SMAP2: variants seen among roughly 807,000 people sequenced by gnomAD.
The protein encoded by SMAP2 is small ArfGAP2.
In SMAP2, 25 loss-of-function variants were observed where a neutral mutation model predicts 56.4. That is an observed-to-expected ratio of 0.44 (90% CI 0.32 to 0.62). SMAP2 has a LOEUF of 0.62. SMAP2 is among the 20% of genes least tolerant of loss of function. The pLI, the probability that SMAP2 is intolerant of heterozygous loss-of-function variation, is 0.04. For missense variants in SMAP2, 388 were observed against 545.6 expected (o/e 0.71, Z 2.88); for synonymous variants, 157 against 181.7 (o/e 0.86, Z 1.09).
At chr1:40,415,183 A>G (rs1644974864) in intron 6 of SMAP2, 89 bp from the exon 7 acceptor site, 3 of 961,994 alleles carry the variant, frequency 3.1e-6, no homozygotes, top group Non-Finnish European at 3.3e-6. Flanking sequence ...CCATGAGCTT[A>G]TGGGCCACCT....
chr1:40,371,584 C>T (rs1243863299), upstream of SMAP2, among the ~76,000 whole-genome samples: 1 of 152,124 alleles, frequency 6.6e-6, no homozygotes, highest in Non-Finnish European at 1.5e-5. Flanking sequence ...TCAATAGTTG[C>T]CATGCCAGAG....
At chr1:40,371,312 A>G (rs1156470284), upstream of SMAP2, among the ~76,000 whole-genome samples, 4 of 152,118 alleles carry the variant, frequency 2.6e-5, no homozygotes, top group Non-Finnish European at 5.9e-5. Flanking sequence ...ACTTGGGAGG[A>G]GCAGTTTGCT....
rs113990202 is a variant in SMAP2 at position 40,349,975 on chromosome 1, C to T, written c.-83+5065C>T. ...ACAGAAGGCAAGAATCATCTCCCACCTTTCCACAGAGTCAAGGTTGGCTAG... is the reference window on the plus strand; with the variant it reads ...ACAGAAGGCAAGAATCATCTCCCACTTTTCCACAGAGTCAAGGTTGGCTAG... On this transcript the variant is annotated intron_variant, in intron 1 of 6. Coordinates refer to the SMAP2 transcript ENST00000435168. Among the ~76,000 whole-genome samples, 13 of 152,248 alleles carry T rather than the reference C, an allele frequency of 8.5e-5. 1 individual carries two copies. Among genetic ancestry groups the T allele is most frequent in the African/African-American group, 3.1e-4 (13 of 41,554 alleles).
intron 1 of SMAP2, among the ~76,000 whole-genome samples, chr1:40,400,002 G>A (rs1002580970): frequency 2.0e-5 from 3 of 152,188 alleles, no homozygotes; most frequent in Admixed American, 6.5e-5. Flanking sequence ...CAAAAGAAAG[G>A]GTAGAAGAGA....
chr1:40,384,796 T>C (rs1644637211), intron 1 of SMAP2, among the ~76,000 whole-genome samples: 1 of 152,222 alleles, frequency 6.6e-6, no homozygotes, highest in Non-Finnish European at 1.5e-5. Flanking sequence ...AAATGTAATT[T>C]GGGATTTGAA....
At chr1:40,364,170 A>T (rs1482461173) in intron 2 of SMAP2, among the ~76,000 whole-genome samples, 1 of 152,304 alleles carries the variant, frequency 6.6e-6, no homozygotes, top group East Asian at 1.9e-4. Context: ...CAATAGTCCA[A>T]AAATGTTCAC....
intron 1 of SMAP2, among the ~76,000 whole-genome samples, chr1:40,381,833 G>A (rs973056290): frequency 3.9e-5 from 6 of 152,190 alleles, no homozygotes; most frequent in Admixed American, 2.6e-4. Flanking sequence ...TCTGAGCATG[G>A]TGCCGATTAA....
At position 40,408,534 on chromosome 1, in the gene SMAP2, G is replaced by A; in HGVS notation, c.238-119G>A. 1.4e-6 allele frequency: 1 copy of A among 704,158 alleles called. No homozygotes were observed. Among genetic ancestry groups the A allele is most frequent in the Non-Finnish European group, 2.4e-6 (1 of 410,896 alleles). The allele number at this position is 704,158 out of a possible 1,614,324, so 43.6% of individuals were successfully genotyped here. ...GAAATCAGAATACACAAGTTTAAATGTTGGTTCTGACACTCTCTAGGTTGG... is the reference window on the plus strand; with the variant it reads ...GAAATCAGAATACACAAGTTTAAATATTGGTTCTGACACTCTCTAGGTTGG... On this transcript the variant is annotated intron_variant, in intron 2 of 9. Coordinates refer to ENST00000372718, the MANE Select transcript of SMAP2 (RefSeq NM_022733.3). The surrounding 1 kb of genome is among the most constrained non-coding windows in gnomAD (Gnocchi z 4.3).
rs202119096 is a variant in SMAP2 at position 40,398,342 on chromosome 1, G to C, written c.104-8394G>C. On this transcript the variant is annotated intron_variant, in intron 1 of 9. Coordinates refer to ENST00000372718, the MANE Select transcript of SMAP2 (RefSeq NM_022733.3). ...ATCCTTGGGCTCAAGCAGTACTCCC[G>C]CTCAGCCTCCCAAGTAGCTAGGACT... Among the ~76,000 whole-genome samples, 123 of 152,074 alleles carry C rather than the reference G, an allele frequency of 8.1e-4. 2 individuals carry two copies. The South Asian group carries it at 0.024, about 29-fold the overall frequency.
rs571114303 is a variant in SMAP2 at position 40,379,713 on chromosome 1, G to T, written c.103+5490G>T. 5.3e-5 allele frequency among the ~76,000 whole-genome samples: 8 copies of T among 151,996 alleles called. No individual in the cohort carries two copies. In the South Asian group the frequency reaches 1.7e-3, roughly 32 times the overall value. On this transcript the variant is annotated intron_variant, in intron 1 of 9. Transcript: ENST00000372718. ...CACCTGACTAATTTTTATATTTTTAGCAGAGAGAAGGTTTCACCATGTTGT... is the reference window on the plus strand; with the variant it reads ...CACCTGACTAATTTTTATATTTTTATCAGAGAGAAGGTTTCACCATGTTGT...
chr1:40,401,283 A>C (rs189125325), intron 1 of SMAP2, among the ~76,000 whole-genome samples: 1 of 152,240 alleles, frequency 6.6e-6, no homozygotes, highest in Admixed American at 6.5e-5. Flanking sequence ...AACACACACA[A>C]AAAAGAACGA....
At chr1:40,375,099 TAA>T (rs1470907963) in intron 1 of SMAP2, 2 of 985,090 alleles carry the variant, frequency 2.0e-6, no homozygotes, top group African/African-American at 3.5e-5. Flanking sequence ...TTGATACAAT[TAA>T]AAGTCAGTAC....
At chr1:40,403,079 TAAAG>T (rs1378360375) in intron 1 of SMAP2, among the ~76,000 whole-genome samples, 5 of 152,122 alleles carry the variant, frequency 3.3e-5, no homozygotes, top group Non-Finnish European at 5.9e-5. Flanking sequence ...TTAAGAGAAA[TAAAG>T]GAAGCTGCTT....
In SMAP2 at chr1:40,408,869, T is replaced by G. The variant is rs2124346689; in HGVS notation, c.323+131T>G. On this transcript the variant is annotated intron_variant, in intron 3 of 9. Coordinates refer to ENST00000372718, the MANE Select transcript of SMAP2 (RefSeq NM_022733.3). The surrounding 1 kb of genome is among the most constrained non-coding windows in gnomAD (Gnocchi z 4.3). Reference sequence around the variant, plus strand: ...TTAGTCAGTGTCCTTGCTTGTCCTCTGTCCTGCAATCAAGGTGCACAAAAA... The same window carrying G: ...TTAGTCAGTGTCCTTGCTTGTCCTCGGTCCTGCAATCAAGGTGCACAAAAA... The G allele has an allele frequency of 1.5e-6, 1 of 660,968 alleles. No individual in the cohort carries two copies. The highest frequency in any genetic ancestry group is 2.7e-6 in the Non-Finnish European group (1 of 376,686). 40.9% of individuals were successfully genotyped at this position (660,968 alleles called of 1,614,324 possible). A position where few individuals can be genotyped will look rare whatever the true frequency, so the allele number is the denominator to read the frequency against.
intron 1 of SMAP2, among the ~76,000 whole-genome samples, chr1:40,402,907 G>A (rs1180434998): frequency 2.0e-5 from 3 of 152,096 alleles, no homozygotes; most frequent in Non-Finnish European, 4.4e-5. Context: ...AGCAATACCA[G>A]GTACTGTGGA....
rs1644976559 is a variant in SMAP2 at position 40,415,339 on chromosome 1, G to C, written c.639G>C (p.Leu213=). ...ATACCCTAGAGAAGGATTTAGATCT[G>C]TTGGCCTCTGTTCCATCCCCTTCTT... The part of the protein sequence containing the change: ...TSNTLEKDLD[L]LASVPSPSSS... Residue 213 remains leucine, a synonymous_variant, in exon 7 of 10, where the codon CTG becomes CTC. Transcript: ENST00000372718. 8 of 1,613,884 alleles carry C rather than the reference G, an allele frequency of 5.0e-6. No individual in the cohort carries two copies. The highest frequency in any genetic ancestry group is 5.9e-6 in the Non-Finnish European group (7 of 1,179,776).
chr1:40,353,429 C>T (rs894512746), intron 1 of SMAP2, among the ~76,000 whole-genome samples: 1 of 152,140 alleles, frequency 6.6e-6, no homozygotes, highest in African/African-American at 2.4e-5. Context: ...AGTGCAATGG[C>T]ATGATCTCAG....
intron 1 of SMAP2, among the ~76,000 whole-genome samples, chr1:40,376,055 A>T (rs2124208149): frequency 6.6e-6 from 1 of 152,082 alleles, no homozygotes; most frequent in Middle Eastern, 3.4e-3. Context: ...GGTTCAAGTG[A>T]TTCTCCTGCC....
At chr1:40,353,302 A>C (rs986083523) in intron 1 of SMAP2, among the ~76,000 whole-genome samples, 2 of 152,182 alleles carry the variant, frequency 1.3e-5, no homozygotes, top group Admixed American at 6.5e-5. Flanking sequence ...CCATCTTGTG[A>C]CCATGAGGTG....
Sources: gnomAD v4.1 joint callset for allele counts (sites outside exome capture counted in the v4.1 genomes callset) on GRCh38, gnomAD v4.1.1 for gene constraint, Gnocchi (gnomAD v3.1) non-coding constraint, MANE v1.5 for transcripts, NCBI Gene and HGNC (gene_info 2026-07-23, HGNC 2026-07-21) for gene names.